KIF16B: variants seen among roughly 807,000 people sequenced by gnomAD.
The protein encoded by KIF16B is kinesin-like protein KIF16B.
A neutral mutation model predicts 156.3 loss-of-function variants in KIF16B; 98 were observed. That is an observed-to-expected ratio of 0.63 (90% CI 0.53 to 0.74). The LOEUF is 0.74. Among genes scored for constraint, KIF16B ranks in the 30% least tolerant of loss-of-function variants. The pLI is 0.00. For synonymous variants in KIF16B, 564 were observed against 583.7 expected, an observed-to-expected ratio of 0.97 and a Z score of 0.49; for missense variants, 1,421 against 1,606.5, an observed-to-expected ratio of 0.88 and a Z score of 1.97.
intron 12 of KIF16B, among the ~76,000 whole-genome samples, chr20:16,440,533 G>GCA (rs71192333): frequency 0.021 from 2,949 of 138,190 alleles, 48 homozygotes; most frequent in Non-Finnish European, 0.033. Context: ...ACAAGCGCGC[G>GCA]CACACACACA....
chr20:16,503,017 C>A (rs183439420), intron 10 of KIF16B, among the ~76,000 whole-genome samples: 1 of 152,286 alleles, frequency 6.6e-6, no homozygotes, highest in African/African-American at 2.4e-5. Context: ...GAGTTCCAGA[C>A]CAGACTGGTC....
chr20:16,565,889 C>G (rs1330552381), intron 1 of KIF16B, among the ~76,000 whole-genome samples: 2 of 152,220 alleles, frequency 1.3e-5, no homozygotes, highest in Non-Finnish European at 2.9e-5. Context: ...CTCCCCACTT[C>G]TCTATGTCCT....
At chr20:16,515,911 T>G (rs2069129725) in intron 3 of KIF16B, among the ~76,000 whole-genome samples, 1 of 152,174 alleles carries the variant, frequency 6.6e-6, no homozygotes, top group African/African-American at 2.4e-5. Context: ...AAAAATATCA[T>G]GAAGTATAAA....
intron 1 of KIF16B, among the ~76,000 whole-genome samples, 171 bp downstream of exon 1, chr20:16,573,058 G>C (rs1406922188): frequency 6.6e-6 from 1 of 152,192 alleles, no homozygotes; most frequent in Admixed American, 6.5e-5. Context: ...ATGTGAACGG[G>C]ACAGCAGTGC....
chr20:16,348,923 T>C (rs1364583393), intron 23 of KIF16B, among the ~76,000 whole-genome samples: 2 of 152,184 alleles, frequency 1.3e-5, no homozygotes, highest in Admixed American at 1.3e-4. Context: ...TGCCTCATGA[T>C]ATGCACCCTC....
At chr20:16,439,035 C>G (rs1013214961) in intron 12 of KIF16B, among the ~76,000 whole-genome samples, 4 of 152,180 alleles carry the variant, frequency 2.6e-5, no homozygotes, top group Admixed American at 1.3e-4. Flanking sequence ...TCTGTCAGAA[C>G]TAAGCTCCAG....
At chr20:16,415,709 G>C (rs563161164) in intron 15 of KIF16B, among the ~76,000 whole-genome samples, 1 of 152,134 alleles carries the variant, frequency 6.6e-6, no homozygotes, top group African/African-American at 2.4e-5. Context: ...TTTGGCTGAA[G>C]AGCATCTAAG....
chr20:16,544,604 T>C (rs2070330265), intron 1 of KIF16B, among the ~76,000 whole-genome samples: 1 of 55,424 alleles, frequency 1.8e-5, no homozygotes, highest in Non-Finnish European at 3.0e-5. Flanking sequence ...TGAAAAGCCA[T>C]CTCAAAAAAA....
chr20:16,340,873 T>G (rs1343766175), intron 23 of KIF16B, among the ~76,000 whole-genome samples: 1 of 152,170 alleles, frequency 6.6e-6, no homozygotes, highest in East Asian at 1.9e-4. Flanking sequence ...GAGAACATGA[T>G]GATATAGCTA....
At chr20:16,566,350 T>C (rs192631995) in intron 1 of KIF16B, among the ~76,000 whole-genome samples, 26 of 152,332 alleles carry the variant, frequency 1.7e-4, no homozygotes, top group African/African-American at 5.8e-4. Flanking sequence ...TAATAATGCA[T>C]AAAAGGCACT....
chr20:16,412,297 C>A (rs2065976930), intron 15 of KIF16B, among the ~76,000 whole-genome samples: 2 of 151,752 alleles, frequency 1.3e-5, no homozygotes, highest in African/African-American at 4.8e-5. Flanking sequence ...TGGTAGTAGA[C>A]CGAGGCCAGA....
chr20:16,293,528 G>A lies in KIF16B; in HGVS notation c.3795+18807C>T, dbSNP rs1035274963. ...TTACCTCTCATACATCCTTTCTCAGGAAGCTACTAGAGAGGTGTTTCATTA... is the reference window on the plus strand; with the variant it reads ...TTACCTCTCATACATCCTTTCTCAGAAAGCTACTAGAGAGGTGTTTCATTA... On this transcript the variant is annotated intron_variant, in intron 25 of 25. Transcript: ENST00000354981. Among the ~76,000 whole-genome samples the A allele has an allele frequency of 2.6e-5, 4 of 152,140 alleles. No homozygotes were observed. In the South Asian group the frequency reaches 8.3e-4, roughly 31 times the overall value.
At chr20:16,512,040 A>G (rs6044042) in intron 5 of KIF16B, among the ~76,000 whole-genome samples, 36,010 of 151,776 alleles carry the variant, frequency 0.24, 4,852 homozygotes, top group East Asian at 0.36. Flanking sequence ...CCAGCTACTC[A>G]GGAGGCTGAT....
intron 12 of KIF16B, among the ~76,000 whole-genome samples, chr20:16,464,894 T>C (rs940820307): frequency 4.6e-5 from 7 of 152,184 alleles, no homozygotes; most frequent in African/African-American, 1.7e-4. Flanking sequence ...TCTGAGAACC[T>C]GTCCAAGCTG....
At chr20:16,390,563 G>C (rs775688507) in intron 17 of KIF16B, among the ~76,000 whole-genome samples, 3 of 152,040 alleles carry the variant, frequency 2.0e-5, no homozygotes, top group Admixed American at 6.6e-5. Context: ...GAGGGCCCAG[G>C]TGAACTCCTT....
intron 12 of KIF16B, among the ~76,000 whole-genome samples, chr20:16,431,873 A>T (rs1397951998): frequency 7.0e-6 from 1 of 143,372 alleles, no homozygotes. Context: ...ATATATATAT[A>T]TACATATATA....
At chr20:16,477,806 G>A (rs192202518) in intron 12 of KIF16B, among the ~76,000 whole-genome samples, 37 of 152,300 alleles carry the variant, frequency 2.4e-4, no homozygotes, top group Admixed American at 2.0e-3. Context: ...TGACCTGGCT[G>A]AAGAGAAACA....
At chr20:16,515,522 C>T (rs1381995062) in intron 4 of KIF16B, 26 bp downstream of exon 4, 4 of 1,216,504 alleles carry the variant, frequency 3.3e-6, no homozygotes, top group Admixed American at 1.7e-5. Context: ...GAGAAATTTC[C>T]TTCCCACACA....
At chr20:16,457,208 A>AT (rs1004317288) in intron 12 of KIF16B, among the ~76,000 whole-genome samples, 13 of 151,378 alleles carry the variant, frequency 8.6e-5, no homozygotes, top group South Asian at 6.3e-4. Flanking sequence ...CAAGTGTTTC[A>AT]TTTTTTTTTA....
Sources: allele counts gnomAD v4.1 joint callset (sites outside exome capture counted in the v4.1 genomes callset), GRCh38; gene constraint gnomAD v4.1.1; transcripts MANE v1.5; gene names NCBI Gene and HGNC (gene_info 2026-07-23, HGNC 2026-07-21).